The following NFAT5 variants were observed in gnomAD, a reference collection of about 807,000 sequenced individuals.
The protein encoded by NFAT5 is nuclear factor of activated T cells 5.
Under a neutral mutation model 166.5 loss-of-function variants are expected in NFAT5, and 31 were observed. The observed-to-expected ratio is 0.19, with a 90% CI of 0.14 to 0.25. NFAT5 has a LOEUF of 0.25. Ranked by LOEUF, NFAT5 falls within the 10% of genes least tolerant of loss-of-function variation. The probability of loss-of-function intolerance (pLI) is 1.00; values close to 1 mark genes in which losing one functional copy is unlikely to be tolerated. For synonymous variants in NFAT5, 612 were observed against 639.7 expected, an observed-to-expected ratio of 0.96 and a Z score of 0.65; for missense variants, 1,449 against 1,821.8, an observed-to-expected ratio of 0.80 and a Z score of 3.72.
At chr16:69,621,952 G>T (rs2034219004) in intron 2 of NFAT5, among the ~76,000 whole-genome samples, 1 of 148,228 alleles carries the variant, frequency 6.7e-6, no homozygotes, top group South Asian at 2.2e-4. Context: ...GACACAGTGA[G>T]ACCCTGACTC....
intron 6 of NFAT5, among the ~76,000 whole-genome samples, chr16:69,657,801 A>G (rs539881319): frequency 3.1e-4 from 41 of 131,838 alleles, no homozygotes; most frequent in African/African-American, 1.1e-3. Flanking sequence ...ATAAATACAT[A>G]TAGGCCGGGC....
At chr16:69,640,842 G>A (rs968915012) in intron 3 of NFAT5, among the ~76,000 whole-genome samples, 1 of 151,794 alleles carries the variant, frequency 6.6e-6, no homozygotes, top group Non-Finnish European at 1.5e-5. Flanking sequence ...TTAGCCGGGC[G>A]TGGTGGTGCA....
At chr16:69,682,232 A>G (rs758778610) in intron 10 of NFAT5, among the ~76,000 whole-genome samples, 2 of 151,264 alleles carry the variant, frequency 1.3e-5, no homozygotes, top group African/African-American at 4.9e-5. Context: ...CAAAAATCAC[A>G]CATTATTTGC....
At chr16:69,599,564 C>G (rs1274759943) in intron 2 of NFAT5, among the ~76,000 whole-genome samples, 2 of 151,964 alleles carry the variant, frequency 1.3e-5, no homozygotes, top group Admixed American at 1.3e-4. Context: ...GAGCGAGAGT[C>G]AGTCTCAAAA....
intron 1 of NFAT5, 119 bp from the exon 2 acceptor site, chr16:69,568,376 G>GTGTATATA (rs1163472084): frequency 1.4e-5 from 4 of 288,632 alleles, no homozygotes; most frequent in Non-Finnish European, 2.5e-5. Context: ...GTGTGTGTGT[G>GTGTATATA]TATATATATA....
intron 4 of NFAT5, among the ~76,000 whole-genome samples, chr16:69,651,925 G>C (rs2035687178): frequency 6.6e-6 from 1 of 152,032 alleles, no homozygotes; most frequent in Non-Finnish European, 1.5e-5. Context: ...ACCCCGCTTG[G>C]CCTCCCAAAG....
intron 3 of NFAT5, among the ~76,000 whole-genome samples, chr16:69,644,044 G>C (rs901940214): frequency 6.6e-6 from 1 of 152,162 alleles, no homozygotes; most frequent in Admixed American, 6.5e-5. Flanking sequence ...CCAGTACTTT[G>C]GGAGGCCAAA....
chr16:69,638,163 G>A (rs981011367), intron 3 of NFAT5, among the ~76,000 whole-genome samples: 1 of 152,018 alleles, frequency 6.6e-6, no homozygotes. Flanking sequence ...AGGTTGCAGC[G>A]AGCCGAGATC....
chr16:69,660,818 T>C (rs2036093258), intron 7 of NFAT5, among the ~76,000 whole-genome samples: 2 of 152,034 alleles, frequency 1.3e-5, no homozygotes, highest in African/African-American at 2.4e-5. Context: ...CTCTTTTTTT[T>C]TTCTTTTTTG....
intron 2 of NFAT5, among the ~76,000 whole-genome samples, chr16:69,587,198 C>T (rs1026314931): frequency 6.6e-6 from 1 of 151,678 alleles, no homozygotes; most frequent in African/African-American, 2.4e-5. Context: ...TCTTCTGCCT[C>T]AGCCTCCTGA....
chr16:69,578,918 A>C (rs1597344832), intron 2 of NFAT5, among the ~76,000 whole-genome samples: 1 of 151,088 alleles, frequency 6.6e-6, no homozygotes, highest in South Asian at 2.1e-4. Context: ...TCTGTCACCC[A>C]GGCTGGAGTG....
At chr16:69,615,178 A>G in intron 2 of NFAT5, among the ~76,000 whole-genome samples, 1 of 151,620 alleles carries the variant, frequency 6.6e-6, no homozygotes, top group Middle Eastern at 3.2e-3. Flanking sequence ...AGTAGCTGGG[A>G]TTACAGGCAC....
At chr16:69,630,292 A>G (rs1448906847) in intron 3 of NFAT5, among the ~76,000 whole-genome samples, 4 of 151,940 alleles carry the variant, frequency 2.6e-5, no homozygotes, top group Non-Finnish European at 2.9e-5. Context: ...TTGGCCTCCT[A>G]AAGTGCTGGG....
intron 3 of NFAT5, among the ~76,000 whole-genome samples, chr16:69,641,605 A>T (rs1011583122): frequency 2.0e-5 from 3 of 152,152 alleles, no homozygotes; most frequent in African/African-American, 7.2e-5. Context: ...AATATTTCTA[A>T]TTTCAAAGCT....
At chr16:69,634,496 G>A (rs981960781) in intron 3 of NFAT5, among the ~76,000 whole-genome samples, 3 of 152,026 alleles carry the variant, frequency 2.0e-5, no homozygotes, top group African/African-American at 7.2e-5. Flanking sequence ...CATAAGTAAG[G>A]TTATATTCAC....
At chr16:69,659,128 A>AT (rs1226607304) in intron 6 of NFAT5, among the ~76,000 whole-genome samples, 46 of 146,438 alleles carry the variant, frequency 3.1e-4, no homozygotes, top group Admixed American at 9.5e-4. Context: ...GTATTTTTTT[A>AT]TTTTTTTTTT....
chr16:69,663,737 C>T (rs748575915), intron 7 of NFAT5, among the ~76,000 whole-genome samples: 3 of 151,676 alleles, frequency 2.0e-5, no homozygotes, highest in African/African-American at 2.4e-5. Flanking sequence ...GTTAGCTGGG[C>T]GTGGTGGCAT....
chr16:69,619,283 G>A lies in NFAT5; in HGVS notation c.128-7120G>A, dbSNP rs559508148. Among the ~76,000 whole-genome samples, 7 of 152,268 alleles carry A rather than the reference G, an allele frequency of 4.6e-5. No homozygotes were observed. In the East Asian group the frequency reaches 1.2e-3, roughly 25 times the overall value. The stretch of plus-strand genomic sequence containing the variant: ...CTTTTCAAGAGATCAACTTATTTAA[G>A]CCTTGTAGCATCTCTGTGAGGCTGT... On this transcript the variant is annotated intron_variant, in intron 2 of 14. Coordinates refer to ENST00000349945, the MANE Select transcript of NFAT5 (RefSeq NM_138713.4).
chr16:69,568,050 C>T (rs1171619325), intron 1 of NFAT5, among the ~76,000 whole-genome samples: 1 of 152,136 alleles, frequency 6.6e-6, no homozygotes, highest in Non-Finnish European at 1.5e-5. Context: ...CAGTGGCTCA[C>T]GCCTGTATTC....
Sources: allele counts gnomAD v4.1 joint callset (sites outside exome capture counted in the v4.1 genomes callset), GRCh38; gene constraint gnomAD v4.1.1; transcripts MANE v1.5; gene names NCBI Gene and HGNC (gene_info 2026-07-23, HGNC 2026-07-21).